ZNF385D: variants seen among roughly 807,000 people sequenced by gnomAD.
ZNF385D encodes zinc finger protein 385D, also known as zinc finger protein 659.
Under a neutral mutation model 35.8 loss-of-function variants are expected in ZNF385D, and 15 were observed. That is an observed-to-expected ratio of 0.42 (90% confidence interval 0.28 to 0.64). The LOEUF (loss-of-function observed/expected upper bound fraction) is 0.64, where lower values mean the gene tolerates loss of function less well. Among genes scored for constraint, ZNF385D ranks in the 30% least tolerant of loss-of-function variants. The pLI, the probability that ZNF385D is intolerant of heterozygous loss-of-function variation, is 0.23. For missense variants in ZNF385D, 474 were observed against 494.6 expected (o/e 0.96, Z 0.39); for synonymous variants, 212 against 186.8 (o/e 1.13, Z -1.10).
intron 2 of ZNF385D, among the ~76,000 whole-genome samples, chr3:22,363,976 TTTGC>T (rs1696534564): frequency 6.6e-6 from 1 of 152,156 alleles, no homozygotes; most frequent in Non-Finnish European, 1.5e-5. Flanking sequence ...ATGAGTTAGC[TTTGC>T]TTAATATTCA....
intron 3 of ZNF385D, among the ~76,000 whole-genome samples, chr3:21,923,357 A>G (rs910477983): frequency 3.3e-5 from 5 of 152,164 alleles, no homozygotes; most frequent in African/African-American, 1.2e-4. Flanking sequence ...GTCAAAAAAC[A>G]ACGCATGCTG....
rs1166020010 is a variant in ZNF385D, at chr3:21,805,885, G to C, written c.326-140857C>G. Among the ~76,000 whole-genome samples the C allele has an allele frequency of 2.0e-5, 3 of 152,080 alleles. No homozygotes were observed. In the East Asian group the frequency reaches 5.8e-4, roughly 29 times the overall value. On this transcript the variant is annotated intron_variant, in intron 3 of 5. Coordinates refer to the ZNF385D transcript ENST00000494108. ...ATTTTTCCCTGGATAATTAGCACTT[G>C]GCCAAAATGACTGCTTCATGTCCCT... is the stretch of plus-strand genomic sequence containing the variant.
intron 1 of ZNF385D, among the ~76,000 whole-genome samples, chr3:21,715,854 C>T (rs1360079332): frequency 6.6e-6 from 1 of 152,146 alleles, no homozygotes; most frequent in Non-Finnish European, 1.5e-5. Flanking sequence ...CTCCATATAT[C>T]TAATTGCCTA....
In ZNF385D at chr3:21,654,486, AC is replaced by A. The variant is rs2066014807; in HGVS notation, c.165+10399del. 3.3e-5 allele frequency among the ~76,000 whole-genome samples: 5 copies of A among 152,176 alleles called. No homozygotes were observed. In the South Asian group the frequency reaches 1.0e-3, roughly 32 times the overall value. On this transcript the variant is annotated intron_variant, in intron 2 of 7. Coordinates refer to ENST00000281523, the MANE Select transcript of ZNF385D (RefSeq NM_024697.3). ...AGTAACAATGTTCTTGTGACTCTCA[AC>A]CATACGTTATATGAATTACCTAAAT...
At chr3:22,282,587 C>G (rs1007830570) in intron 2 of ZNF385D, among the ~76,000 whole-genome samples, 2 of 151,836 alleles carry the variant, frequency 1.3e-5, no homozygotes, top group Non-Finnish European at 2.9e-5. Flanking sequence ...CCACTGTGGT[C>G]TGAGAGAGTA....
At chr3:21,781,061 T>A (rs1004776565) in intron 3 of ZNF385D, among the ~76,000 whole-genome samples, 7 of 152,032 alleles carry the variant, frequency 4.6e-5, no homozygotes, top group African/African-American at 1.4e-4. Context: ...ATAATTTTAG[T>A]GGATTCCCCC....
chr3:21,724,496 A>T (rs1350382483), intron 1 of ZNF385D, among the ~76,000 whole-genome samples: 2 of 89,906 alleles, frequency 2.2e-5, no homozygotes, highest in African/African-American at 3.1e-5. Flanking sequence ...AAAAAAAAAA[A>T]AAAAAAAAAA....
intron 3 of ZNF385D, among the ~76,000 whole-genome samples, chr3:21,981,451 G>C (rs912926643): frequency 5.3e-5 from 8 of 152,086 alleles, no homozygotes; most frequent in African/African-American, 1.9e-4. Flanking sequence ...GTTCCTTATA[G>C]ATGCTGGATG....
In ZNF385D at chr3:21,643,468, A is replaced by T. The variant is rs75453523; in HGVS notation, c.165+21418T>A. On this transcript the variant is annotated intron_variant, in intron 2 of 7. Coordinates refer to ENST00000281523, the MANE Select transcript of ZNF385D (RefSeq NM_024697.3). ...AGGACTGGTGAAACAGCAAATACCC[A>T]GAGTTTCCTTGTGTTCACCATAGTT... 2.8e-3 allele frequency among the ~76,000 whole-genome samples: 434 copies of T among 152,284 alleles called. 1 individual carries two copies. Among genetic ancestry groups the T allele is most frequent in the African/African-American group, 0.01 (422 of 41,580 alleles).
At chr3:21,658,549 CCTGT>C (rs2066140977) in intron 2 of ZNF385D, among the ~76,000 whole-genome samples, 1 of 151,738 alleles carries the variant, frequency 6.6e-6, no homozygotes, top group Non-Finnish European at 1.5e-5. Flanking sequence ...ATGTGTTTTT[CCTGT>C]CTTTTTATTT....
intron 2 of ZNF385D, among the ~76,000 whole-genome samples, chr3:22,189,360 G>C (rs577327064): frequency 4.6e-5 from 7 of 152,266 alleles, no homozygotes; most frequent in African/African-American, 1.7e-4. Context: ...CTGTGGTTCA[G>C]ACAAGGAAAC....
At chr3:22,304,122 A>C (rs1180853900) in intron 2 of ZNF385D, among the ~76,000 whole-genome samples, 1 of 152,188 alleles carries the variant, frequency 6.6e-6, no homozygotes, top group Non-Finnish European at 1.5e-5. Context: ...ATTCTTAATA[A>C]AAATCTGGCT....
At chr3:22,156,819 G>C (rs919100760) in intron 3 of ZNF385D, among the ~76,000 whole-genome samples, 1 of 152,044 alleles carries the variant, frequency 6.6e-6, no homozygotes, top group Non-Finnish European at 1.5e-5. Flanking sequence ...AAGTACCCAA[G>C]GTGATTCTGA....
chr3:21,971,206 C>T (rs1235534210), intron 3 of ZNF385D, among the ~76,000 whole-genome samples: 1 of 151,990 alleles, frequency 6.6e-6, no homozygotes, highest in Non-Finnish European at 1.5e-5. Flanking sequence ...GTATAAACTA[C>T]TCATACCCAG....
At chr3:21,834,955 C>CTCTT (rs1695236237) in intron 3 of ZNF385D, among the ~76,000 whole-genome samples, 1 of 152,134 alleles carries the variant, frequency 6.6e-6, no homozygotes. Flanking sequence ...TCAATTGAAT[C>CTCTT]TCTTTTCTTT....
chr3:21,811,275 T>C (rs2072909992), intron 3 of ZNF385D, among the ~76,000 whole-genome samples: 1 of 152,004 alleles, frequency 6.6e-6, no homozygotes, highest in African/African-American at 2.4e-5. Flanking sequence ...AAAATAGTGG[T>C]ATTTAAATAA....
At chr3:21,932,158 C>G (rs1701042114) in intron 3 of ZNF385D, among the ~76,000 whole-genome samples, 1 of 44,744 alleles carries the variant, frequency 2.2e-5, no homozygotes, top group African/African-American at 7.7e-5. Context: ...AAGAGCAAGA[C>G]TCATTCTCAA....
intron 3 of ZNF385D, among the ~76,000 whole-genome samples, chr3:21,526,188 G>A (rs1206690170): frequency 6.6e-6 from 1 of 152,112 alleles, no homozygotes; most frequent in Admixed American, 6.5e-5. Flanking sequence ...CAAGCATGAA[G>A]TTTGTAAAAG....
chr3:22,164,687 C>T (rs1298287110), intron 3 of ZNF385D, among the ~76,000 whole-genome samples: 1 of 151,510 alleles, frequency 6.6e-6, no homozygotes, highest in Non-Finnish European at 1.5e-5. Flanking sequence ...AATTGTTTCC[C>T]CTCTGTTGTA....
Sources: allele counts gnomAD v4.1 joint callset (sites outside exome capture counted in the v4.1 genomes callset), GRCh38; gene constraint gnomAD v4.1.1; transcripts MANE v1.5; gene names NCBI Gene and HGNC (gene_info 2026-07-23, HGNC 2026-07-21).